Variants in PAAF1 observed in about 807,000 individuals in gnomAD.
PAAF1 encodes the protein proteasomal ATPase-associated factor 1.
Under a neutral mutation model 52.8 loss-of-function variants are expected in PAAF1, and 46 were observed. That is an observed-to-expected ratio of 0.87 (90% confidence interval 0.69 to 1.11). The LOEUF is 1.11. PAAF1 is among the 50% of genes most tolerant of loss of function. The pLI is 0.00. For missense variants in PAAF1, 424 were observed against 477.4 expected, an observed-to-expected ratio of 0.89 and a Z score of 1.04; for synonymous variants, 178 against 172.8, an observed-to-expected ratio of 1.03 and a Z score of -0.24.
chr11:73,884,033 C>T (rs1294804406), intron 2 of PAAF1, among the ~76,000 whole-genome samples: 2 of 152,060 alleles, frequency 1.3e-5, no homozygotes, highest in Admixed American at 1.3e-4. Context: ...TACAAAACTG[C>T]TGAGTTTAGA....
At position 73,916,526 on chromosome 11, in the gene PAAF1, G is replaced by T; in HGVS notation, c.820-19G>T. On this transcript the variant is annotated intron_variant, in intron 8 of 11. Coordinates refer to ENST00000310571, the MANE Select transcript of PAAF1 (RefSeq NM_025155.3). ...AAATTAATCTTTAAACAGCATTTTT[G>T]CCTCCTACTTGTTCCCAGGTGTTCC... is the stretch of plus-strand genomic sequence containing the variant. 6.5e-7 allele frequency: 1 copy of T among 1,528,902 alleles called. No individual in the cohort carries two copies. The highest frequency in any genetic ancestry group is 1.2e-5 in the South Asian group (1 of 84,560). The allele number at this position is 1,528,902 out of a possible 1,614,324, so 94.7% of individuals were successfully genotyped here. A position where few individuals can be genotyped will look rare whatever the true frequency, so the allele number is the denominator to read the frequency against.
At chr11:73,899,972 C>G (rs991623491) in intron 5 of PAAF1, among the ~76,000 whole-genome samples, 5 of 151,768 alleles carry the variant, frequency 3.3e-5, no homozygotes, top group African/African-American at 1.2e-4. Context: ...TTAACTAGAT[C>G]TAGAGATGGC....
rs1949085241 is a variant in PAAF1, at chr11:73,887,197, T to C, written c.89-157T>C. The C allele has an allele frequency of 1.1e-5, 6 of 552,860 alleles. 1 individual carries two copies. In the South Asian group the frequency reaches 1.3e-4, roughly 12 times the overall value. The allele number at this position is 552,860 out of a possible 1,614,324, so 34.2% of individuals were successfully genotyped here. On this transcript the variant is annotated intron_variant, in intron 2 of 11. Coordinates refer to ENST00000310571, the MANE Select transcript of PAAF1 (RefSeq NM_025155.3). ...ACTAAGACACCTAATCTAATTCTCT[T>C]TTTACTTCACCTGACTTTTAACACA...
intron 4 of PAAF1, among the ~76,000 whole-genome samples, chr11:73,897,286 AC>A (rs1223370417): frequency 1.4e-5 from 2 of 139,160 alleles, no homozygotes; most frequent in East Asian, 4.6e-4. Flanking sequence ...TGGGGGGCTG[AC>A]CCCCCCACTT....
Position 73,919,008 on chromosome 11 carries a change from A to C in PAAF1, c.994A>C (p.Arg332=). The part of the protein sequence containing the change: ...GAPVLSLLSV[R]DGFIASQGDG... Reference sequence around the variant, plus strand: ...ACCAGTTCTATCCCTGCTAAGTGTCAGAGATGGATTCATTGCTAGCCAAGG... The same window carrying C: ...ACCAGTTCTATCCCTGCTAAGTGTCCGAGATGGATTCATTGCTAGCCAAGG... The change falls in exon 10 of 12, where the codon AGA becomes CGA. Residue 332 remains arginine (R), a synonymous_variant. Transcript: ENST00000310571. 2.5e-6 allele frequency: 4 copies of C among 1,614,026 alleles called. No individual in the cohort carries two copies. Among genetic ancestry groups the C allele is most frequent in the Non-Finnish European group, 3.4e-6 (4 of 1,179,974 alleles).
intron 9 of PAAF1, 114 bp from the exon 10 acceptor site, chr11:73,918,836 C>T: frequency 1.3e-6 from 1 of 764,150 alleles, no homozygotes; most frequent in Non-Finnish European, 2.1e-6. Context: ...AATGTTTAAT[C>T]TTTCTTCACA....
At chr11:73,896,748 T>G (rs1283552759) in intron 4 of PAAF1, among the ~76,000 whole-genome samples, 1 of 152,182 alleles carries the variant, frequency 6.6e-6, no homozygotes, top group Admixed American at 6.5e-5. Flanking sequence ...TTCCCCACCT[T>G]TCCCCCCTTT....
chr11:73,908,124 G>A (rs942203446), intron 6 of PAAF1, among the ~76,000 whole-genome samples: 1 of 151,770 alleles, frequency 6.6e-6, no homozygotes, highest in African/African-American at 2.4e-5. Flanking sequence ...ACTCTTTCTT[G>A]GCCAAAACCA....
At chr11:73,904,248 A>G (rs150270418) in intron 6 of PAAF1, among the ~76,000 whole-genome samples, 390 of 152,214 alleles carry the variant, frequency 2.6e-3, no homozygotes, top group African/African-American at 8.8e-3. Context: ...AGGTAGACTA[A>G]AAGTAGTTTT....
rs555812980 is a variant in PAAF1 at position 73,926,532 on chromosome 11, A to G, written c.1102-753A>G. On this transcript the variant is annotated intron_variant, in intron 11 of 11. Transcript: ENST00000310571. ...AGACCATCCTGGCCAACACGGTGAA[A>G]CCCTGTCTCTACTAACAATACAAAA... Among the ~76,000 whole-genome samples the G allele has an allele frequency of 3.3e-5, 5 of 151,928 alleles. No homozygotes were observed. The East Asian group carries it at 5.8e-4, about 18-fold the overall frequency.
intron 4 of PAAF1, among the ~76,000 whole-genome samples, chr11:73,892,180 C>T (rs1388554131): frequency 6.6e-6 from 1 of 151,796 alleles, no homozygotes; most frequent in African/African-American, 2.4e-5. Flanking sequence ...AAAAATTAGC[C>T]AGACATGGTG....
At chr11:73,898,677 A>G (rs891551171) in intron 4 of PAAF1, among the ~76,000 whole-genome samples, 3 of 152,020 alleles carry the variant, frequency 2.0e-5, no homozygotes, top group African/African-American at 7.2e-5. Context: ...AATAAGGCAC[A>G]GTGGTGTGCG....
rs1351248306 is a variant in PAAF1 at position 73,931,103 on chromosome 11, A to G, written c.*3741A>G. ...ATTGTCCATTTACAATTAAAAATCAATTAAAAGAAAAGAGGATAAGGAGGG... is the reference window on the plus strand; with the variant it reads ...ATTGTCCATTTACAATTAAAAATCAGTTAAAAGAAAAGAGGATAAGGAGGG... On this transcript the variant is annotated 3_prime_UTR_variant, in exon 12 of 12. Transcript: ENST00000310571. 2 of 152,332 alleles carry G rather than the reference A, an allele frequency of 1.3e-5. No individual in the cohort carries two copies. Among genetic ancestry groups the G allele is most frequent in the South Asian group, 2.1e-4 (1 of 4,820 alleles). The allele number at this position is 152,332 out of a possible 1,614,324, so 9.4% of individuals were successfully genotyped here.
At chr11:73,922,241 T>C (rs2135232292) in intron 10 of PAAF1, 3 of 631,400 alleles carry the variant, frequency 4.8e-6, no homozygotes, top group African/African-American at 1.8e-5. Context: ...TTTTGTACTT[T>C]TCTACTTTTC....
At chr11:73,912,602 C>T (rs2135208267) in intron 7 of PAAF1, among the ~76,000 whole-genome samples, 1 of 152,306 alleles carries the variant, frequency 6.6e-6, no homozygotes, top group South Asian at 2.1e-4. Context: ...GACTATTCTC[C>T]TATAAGCCAT....
intron 10 of PAAF1, chr11:73,921,591 G>T (rs1565153111): frequency 4.9e-6 from 3 of 614,334 alleles, no homozygotes; most frequent in Non-Finnish European, 9.4e-6. Context: ...AAAGGCAAAA[G>T]ATTCGTATAT....
In PAAF1 at chr11:73,928,194, GT is replaced by G. The variant is rs1191603188; in HGVS notation, c.*833del. The G allele has an allele frequency of 6.6e-6, 1 of 152,204 alleles. No individual in the cohort carries two copies. The highest frequency in any genetic ancestry group is 1.9e-4 in the East Asian group (1 of 5,194). The allele number at this position is 152,204 out of a possible 1,614,324, so 9.4% of individuals were successfully genotyped here. ...GTCTGTATTTTAACAAGCATTCCAGGTGATTCTGATGTATGCTAAAGCTTGA... is the reference window on the plus strand; with the variant it reads ...GTCTGTATTTTAACAAGCATTCCAGGGATTCTGATGTATGCTAAAGCTTGA... On this transcript the variant is annotated 3_prime_UTR_variant, in exon 12 of 12. Transcript: ENST00000310571.
chr11:73,908,267 GTATATATGTGTATATATGTATA>G (rs1312765637), intron 6 of PAAF1, among the ~76,000 whole-genome samples: 8 of 142,710 alleles, frequency 5.6e-5, no homozygotes, highest in Non-Finnish European at 1.0e-4. Flanking sequence ...GTATATATGT[GTATATATGTGTATATATGTATA>G]TATATGTGTG....
chr11:73,909,369 C>G, intron 6 of PAAF1, 30 bp from the exon 7 acceptor site: 1 of 1,607,590 alleles, frequency 6.2e-7, no homozygotes, highest in African/African-American at 1.3e-5. Context: ...ACTCCATCCT[C>G]CATCTTAGGG....
Sources: allele counts gnomAD v4.1 joint callset (sites outside exome capture counted in the v4.1 genomes callset), GRCh38; gene constraint gnomAD v4.1.1; transcripts MANE v1.5; gene names NCBI Gene and HGNC (gene_info 2026-07-23, HGNC 2026-07-21).